The following SKA3 variants were observed in gnomAD, a reference collection of about 807,000 sequenced individuals.
SKA3 encodes spindle and kinetochore associated complex subunit 3.
In SKA3, 39 loss-of-function variants were observed where a neutral mutation model predicts 44.2. The observed-to-expected ratio is 0.88, with a 90% CI of 0.68 to 1.15. SKA3 has a LOEUF of 1.15. Ranked by LOEUF, SKA3 falls within the 50% of genes most tolerant of loss-of-function variation. SKA3 has a pLI of 0.00. For missense variants in SKA3, 511 were observed against 485.8 expected (o/e 1.05, Z -0.49); for synonymous variants, 192 against 172.0 (o/e 1.12, Z -0.91).
At chr13:21,171,762 C>T (rs190832850) in intron 3 of SKA3, among the ~76,000 whole-genome samples, 1 of 152,080 alleles carries the variant, frequency 6.6e-6, no homozygotes. Context: ...AACTGAGGCA[C>T]AAGGTTAAGT....
chr13:21,159,367 T>C (rs1870307999), intron 6 of SKA3, among the ~76,000 whole-genome samples: 1 of 152,172 alleles, frequency 6.6e-6, no homozygotes, highest in African/African-American at 2.4e-5. Context: ...AAATCACCCA[T>C]AATTTATCAC....
intron 1 of SKA3, 39 bp downstream of exon 1, chr13:21,176,336 C>A: frequency 7.9e-7 from 1 of 1,259,468 alleles, no homozygotes; most frequent in Non-Finnish European, 1.0e-6. Flanking sequence ...GCCCGCGGCG[C>A]ACCCCACGCA....
chr13:21,173,415 T>A (rs1034900848), intron 1 of SKA3, among the ~76,000 whole-genome samples: 1 of 152,132 alleles, frequency 6.6e-6, no homozygotes, highest in Non-Finnish European at 1.5e-5. Flanking sequence ...CGCCACTACA[T>A]CTGGCTAGTT....
At chr13:21,158,207 T>A in intron 6 of SKA3, 82 bp from the exon 7 acceptor site, 1 of 832,088 alleles carries the variant, frequency 1.2e-6, no homozygotes, top group Non-Finnish European at 1.7e-6. Flanking sequence ...TTGTTACTTC[T>A]ATTGGGGTCT....
chr13:21,168,543 T>C (rs1870864819), intron 3 of SKA3, 144 bp from the exon 4 acceptor site: 1 of 785,150 alleles, frequency 1.3e-6, no homozygotes, highest in Non-Finnish European at 2.0e-6. Flanking sequence ...TTAGTATTTA[T>C]TGAGACAGGG....
intron 4 of SKA3, among the ~76,000 whole-genome samples, chr13:21,165,042 T>C (rs1485803548): frequency 6.6e-6 from 1 of 152,092 alleles, no homozygotes; most frequent in Non-Finnish European, 1.5e-5. Flanking sequence ...TTTTATTTTT[T>C]AAATAATTTA....
chr13:21,169,383 TAG>T (rs1178930993), intron 3 of SKA3, among the ~76,000 whole-genome samples: 1 of 152,030 alleles, frequency 6.6e-6, no homozygotes, highest in Non-Finnish European at 1.5e-5. Flanking sequence ...GTATTTTTGG[TAG>T]AGACAGGGTT....
chr13:21,164,783 T>C (rs1870619375), intron 4 of SKA3, among the ~76,000 whole-genome samples: 1 of 152,090 alleles, frequency 6.6e-6, no homozygotes, highest in South Asian at 2.1e-4. Context: ...TCTAGCTATG[T>C]TGCGCAGGCT....
intron 4 of SKA3, among the ~76,000 whole-genome samples, chr13:21,166,272 C>CTGT (rs1361199046): frequency 6.6e-6 from 1 of 152,062 alleles, no homozygotes; most frequent in African/African-American, 2.4e-5. Flanking sequence ...TGTGCCTGGC[C>CTGT]TGTTATCTGA....
At chr13:21,160,600 C>T (rs943751347) in intron 5 of SKA3, among the ~76,000 whole-genome samples, 5 of 152,010 alleles carry the variant, frequency 3.3e-5, no homozygotes, top group Non-Finnish European at 5.9e-5. Flanking sequence ...CTGGAAAAGA[C>T]GGAGAAACAG....
At position 21,159,999 on chromosome 13, in the gene SKA3, A is replaced by C; in HGVS notation, c.830-12T>G. On this transcript the variant is annotated splice_polypyrimidine_tract_variant and intron_variant, in intron 5 of 8. Transcript: ENST00000314759. The stretch of plus-strand genomic sequence containing the variant: ...GGTATATTCGGCATCTAAAAGACAC[A>C]TAAAATGGTCATTAAAAAACTATAA... 6.3e-7 allele frequency: 1 copy of C among 1,582,406 alleles called. No individual in the cohort carries two copies. The highest frequency in any genetic ancestry group is 8.6e-7 in the Non-Finnish European group (1 of 1,166,140).
chr13:21,167,499 G>C (rs1201200493), intron 4 of SKA3, among the ~76,000 whole-genome samples: 1 of 152,108 alleles, frequency 6.6e-6, no homozygotes, highest in Non-Finnish European at 1.5e-5. Context: ...GGGCGCGGTG[G>C]CTCACGCCTG....
In SKA3 at chr13:21,168,020, T is replaced by G; in HGVS notation, c.711A>C (p.Thr237=). The change falls in exon 4 of 9, where the codon ACA becomes ACC. Residue 237 remains threonine, a synonymous_variant. Transcript: ENST00000314759. ...EYTMCLNEDY[T]MGLKNARNNK... ...TATTCCTCGCATTTTTAAGTCCCATTGTGTAATCTTCATTTAAACACATAG... is the reference window on the plus strand; with the variant it reads ...TATTCCTCGCATTTTTAAGTCCCATGGTGTAATCTTCATTTAAACACATAG... The G allele has an allele frequency of 6.3e-7, 1 of 1,597,888 alleles. No individual in the cohort carries two copies. The highest frequency in any genetic ancestry group is 1.3e-5 in the African/African-American group (1 of 74,096).
In SKA3 at chr13:21,156,985, G is replaced by A. The variant is rs1263811956; in HGVS notation, c.1119+937C>T. On this transcript the variant is annotated intron_variant, in intron 7 of 8. Coordinates refer to ENST00000314759, the MANE Select transcript of SKA3 (RefSeq NM_145061.6). ...TGAGGCAGGAGAATGGCGTGAACCC[G>A]GGAAGCGGAGCTTGCAGTGAGCCGA... is the stretch of plus-strand genomic sequence containing the variant. 2.1e-4 allele frequency among the ~76,000 whole-genome samples: 2 copies of A among 9,650 alleles called. 1 individual carries two copies. Among genetic ancestry groups the A allele is most frequent in the African/African-American group, 4.3e-4 (2 of 4,624 alleles). 6.3% of individuals were successfully genotyped at this position (9,650 alleles called of 152,430 possible).
At chr13:21,172,861 C>A in intron 1 of SKA3, 180 bp from the exon 2 acceptor site, 1 of 512,510 alleles carries the variant, frequency 2.0e-6, no homozygotes, top group Non-Finnish European at 3.4e-6. Context: ...TTTAGATACA[C>A]AAATACTTAC....
chr13:21,160,060 A>G (rs1870353768), intron 5 of SKA3, 73 bp from the exon 6 acceptor site: 1 of 895,128 alleles, frequency 1.1e-6, no homozygotes, highest in Non-Finnish European at 1.6e-6. Context: ...AGAAAATCTC[A>G]TATTTACATA....
At chr13:21,155,660 C>T (rs1469016695) in intron 8 of SKA3, 33 bp downstream of exon 8, 2 of 1,278,962 alleles carry the variant, frequency 1.6e-6, no homozygotes, top group Non-Finnish European at 1.1e-6. Flanking sequence ...TCAAATAACA[C>T]ATGAACTTTC....
Position 21,164,509 on chromosome 13 carries a change from T to C in SKA3, c.744-2634A>G, listed in dbSNP as rs1381945693. On this transcript the variant is annotated intron_variant, in intron 4 of 8. Transcript: ENST00000314759. Reference sequence around the variant, plus strand: ...TTCCATGATACATTCCTGACAATGATATATGAACACACGTTTCATTGTACT... The same window carrying C: ...TTCCATGATACATTCCTGACAATGACATATGAACACACGTTTCATTGTACT... 3.3e-5 allele frequency among the ~76,000 whole-genome samples: 5 copies of C among 152,244 alleles called. No individual in the cohort carries two copies. The East Asian group carries it at 5.8e-4, about 18-fold the overall frequency.
At chr13:21,164,063 CTCT>C (rs1418176458) in intron 4 of SKA3, among the ~76,000 whole-genome samples, 1 of 152,030 alleles carries the variant, frequency 6.6e-6, no homozygotes, top group Non-Finnish European at 1.5e-5. Context: ...CACGCCCGGC[CTCT>C]TCTTTTGTTA....
Sources: allele counts gnomAD v4.1 joint callset (sites outside exome capture counted in the v4.1 genomes callset), GRCh38; gene constraint gnomAD v4.1.1; transcripts MANE v1.5; gene names NCBI Gene and HGNC (gene_info 2026-07-23, HGNC 2026-07-21).